PTBP2: variants seen among roughly 807,000 people sequenced by gnomAD.
The protein encoded by PTBP2 is polypyrimidine tract-binding protein 2.
In PTBP2, 13 loss-of-function variants were observed where a neutral mutation model predicts 61.4. The ratio of observed to expected loss-of-function variants is 0.21; its 90% CI spans 0.14 to 0.34. The LOEUF (loss-of-function observed/expected upper bound fraction) is 0.34, where lower values mean the gene tolerates loss of function less well. Among genes scored for constraint, PTBP2 ranks in the 10% least tolerant of loss-of-function variants. The probability of loss-of-function intolerance (pLI) is 1.00; values close to 1 mark genes in which losing one functional copy is unlikely to be tolerated. For missense variants in PTBP2, 405 were observed against 642.6 expected (o/e 0.63, Z 4.00); for synonymous variants, 215 against 218.5 (o/e 0.98, Z 0.14).
intron 2 of PTBP2, among the ~76,000 whole-genome samples, chr1:96,733,649 C>A (rs767706666): frequency 6.6e-6 from 1 of 151,958 alleles, no homozygotes; most frequent in Non-Finnish European, 1.5e-5. Flanking sequence ...CCAGCCTGGG[C>A]GAGAGGAGAT....
intron 5 of PTBP2, among the ~76,000 whole-genome samples, chr1:96,772,284 A>G (rs566142014): frequency 1.3e-5 from 2 of 152,290 alleles, no homozygotes; most frequent in African/African-American, 4.8e-5. Context: ...AAAAAGGATA[A>G]TAAGCCTCTA....
At chr1:96,798,477 GACTAATA>G (rs1213986048) in intron 8 of PTBP2, among the ~76,000 whole-genome samples, 1 of 152,158 alleles carries the variant, frequency 6.6e-6, no homozygotes, top group East Asian at 1.9e-4. Flanking sequence ...TAGTACACAA[GACTAATA>G]ACTACGAGAT....
At chr1:96,732,898 A>C (rs1651621730) in intron 2 of PTBP2, among the ~76,000 whole-genome samples, 1 of 152,206 alleles carries the variant, frequency 6.6e-6, no homozygotes, top group African/African-American at 2.4e-5. Context: ...ATAGAATGGC[A>C]GATAGGTTAT....
chr1:96,770,967 T>G, intron 5 of PTBP2, 116 bp downstream of exon 5: 1 of 852,852 alleles, frequency 1.2e-6, no homozygotes, highest in Non-Finnish European at 1.8e-6. Context: ...ATTTTCTTGT[T>G]ATTTTTAAGG....
intron 2 of PTBP2, among the ~76,000 whole-genome samples, chr1:96,748,827 T>C (rs1280431947): frequency 6.6e-6 from 1 of 152,222 alleles, no homozygotes; most frequent in African/African-American, 2.4e-5. Flanking sequence ...GATGAAATTA[T>C]TCTGTCAGTT....
chr1:96,773,665 A>T (rs931502694), intron 5 of PTBP2, among the ~76,000 whole-genome samples: 1 of 152,082 alleles, frequency 6.6e-6, no homozygotes, highest in Non-Finnish European at 1.5e-5. Context: ...TTCTGGGTCA[A>T]CAAAACTCCC....
At chr1:96,793,535 A>G (rs1049293596) in intron 8 of PTBP2, among the ~76,000 whole-genome samples, 1 of 151,818 alleles carries the variant, frequency 6.6e-6, no homozygotes, top group African/African-American at 2.4e-5. Context: ...ACACCTGGCT[A>G]ATTTTTTTTG....
At chr1:96,723,700 C>A in intron 2 of PTBP2, 106 bp downstream of exon 2, 2 of 971,828 alleles carry the variant, frequency 2.1e-6, no homozygotes, top group Non-Finnish European at 3.1e-6. Flanking sequence ...TAACAAAACC[C>A]AAGTGTAAAA....
At chr1:96,762,626 A>G (rs1053880347) in intron 3 of PTBP2, among the ~76,000 whole-genome samples, 3 of 137,864 alleles carry the variant, frequency 2.2e-5, no homozygotes, top group Non-Finnish European at 3.1e-5. Context: ...GGCCGGGCAG[A>G]GGCGCCCCTC....
chr1:96,770,745 C>G lies in PTBP2; in HGVS notation c.326C>G (p.Thr109Ser). The G allele has an allele frequency of 1.9e-6, 3 of 1,612,138 alleles. No homozygotes were observed. The highest frequency in any genetic ancestry group is 2.5e-6 in the Non-Finnish European group (3 of 1,178,496). Residue 109 changes from threonine (T) to serine (S), a missense_variant, in exon 5 of 14, where the codon ACT (threonine) becomes AGT (serine). Physicochemically the swap from Thr to Ser is moderately conservative, Grantham distance 58. Coordinates refer to ENST00000674951, the MANE Select transcript of PTBP2 (RefSeq NM_021190.4). ...LELATEEAAI[T>S]MVNYYSAVTP... Reference sequence around the variant, plus strand: ...CTAGCAACCGAGGAAGCAGCTATTACTATGGTTAATTACTATTCTGCTGTG... The same window carrying G: ...CTAGCAACCGAGGAAGCAGCTATTAGTATGGTTAATTACTATTCTGCTGTG...
intron 7 of PTBP2, among the ~76,000 whole-genome samples, chr1:96,781,136 T>C (rs558434406): frequency 2.0e-5 from 3 of 152,184 alleles, no homozygotes; most frequent in African/African-American, 7.2e-5. Context: ...AGACTTCTTA[T>C]ATTCATGCAG....
chr1:96,788,877 A>G (rs1406000277), intron 8 of PTBP2, among the ~76,000 whole-genome samples: 1 of 152,064 alleles, frequency 6.6e-6, no homozygotes, highest in African/African-American at 2.4e-5. Context: ...CAGAAAATGT[A>G]ATTTGTTCAA....
intron 8 of PTBP2, among the ~76,000 whole-genome samples, chr1:96,803,832 G>A (rs1366494819): frequency 6.6e-6 from 1 of 152,152 alleles, no homozygotes; most frequent in African/African-American, 2.4e-5. Flanking sequence ...AATTCATTTA[G>A]TTTGGGTGTT....
At chr1:96,747,184 T>C (rs1273358211) in intron 2 of PTBP2, among the ~76,000 whole-genome samples, 1 of 151,940 alleles carries the variant, frequency 6.6e-6, no homozygotes, top group Non-Finnish European at 1.5e-5. Context: ...GCATCTTAGA[T>C]AAAAATAATT....
intron 3 of PTBP2, among the ~76,000 whole-genome samples, chr1:96,757,418 G>A (rs1655284006): frequency 6.6e-6 from 1 of 152,138 alleles, no homozygotes; most frequent in Non-Finnish European, 1.5e-5. Flanking sequence ...TAATTTGTAT[G>A]CCAATAATAA....
At chr1:96,741,150 C>T (rs574404780) in intron 2 of PTBP2, among the ~76,000 whole-genome samples, 264 of 149,600 alleles carry the variant, frequency 1.8e-3, no homozygotes, top group Admixed American at 3.3e-3. Flanking sequence ...TTTTAATTTG[C>T]ATTCCCTATT....
At chr1:96,784,296 A>G (rs1439854215) in intron 7 of PTBP2, among the ~76,000 whole-genome samples, 2 of 150,670 alleles carry the variant, frequency 1.3e-5, no homozygotes, top group Non-Finnish European at 2.9e-5. Flanking sequence ...TACTCCTCTT[A>G]ATAACCCTTG....
intron 8 of PTBP2, among the ~76,000 whole-genome samples, chr1:96,789,034 CATT>C (rs988370102): frequency 6.6e-6 from 1 of 152,002 alleles, no homozygotes; most frequent in African/African-American, 2.4e-5. Flanking sequence ...ATTGAGACAT[CATT>C]ATAATGGATC....
At chr1:96,793,886 G>A (rs1660103551) in intron 8 of PTBP2, among the ~76,000 whole-genome samples, 1 of 151,992 alleles carries the variant, frequency 6.6e-6, no homozygotes, top group South Asian at 2.1e-4. Flanking sequence ...GGCTACAGAT[G>A]AGAAAAAAAT....
Sources: allele counts gnomAD v4.1 joint callset (sites outside exome capture counted in the v4.1 genomes callset), GRCh38; gene constraint gnomAD v4.1.1; transcripts MANE v1.5; gene names NCBI Gene and HGNC (gene_info 2026-07-23, HGNC 2026-07-21).